Variants in PGBD5 observed in about 807,000 individuals in gnomAD.
PGBD5 encodes the protein piggyBac transposable element-derived protein 5.
A neutral mutation model predicts 47.9 loss-of-function variants in PGBD5; 14 were observed. The ratio of observed to expected loss-of-function variants is 0.29; its 90% CI spans 0.19 to 0.46. The LOEUF is 0.46. Ranked by LOEUF, PGBD5 falls within the 20% of genes least tolerant of loss-of-function variation. The probability of loss-of-function intolerance (pLI) is 1.00; values close to 1 mark genes in which losing one functional copy is unlikely to be tolerated. For missense variants in PGBD5, 635 were observed against 716.0 expected, an observed-to-expected ratio of 0.89 and a Z score of 1.29; for synonymous variants, 316 against 306.3, an observed-to-expected ratio of 1.03 and a Z score of -0.33.
chr1:230,381,884 G>C (rs1656507522), intron 1 of PGBD5, among the ~76,000 whole-genome samples: 1 of 151,884 alleles, frequency 6.6e-6, no homozygotes, highest in African/African-American at 2.4e-5. Context: ...ACCCACTCCT[G>C]TCCCTCTCCC....
At chr1:230,415,853 C>T (rs1657500679) in intron 1 of PGBD5, among the ~76,000 whole-genome samples, 1 of 152,182 alleles carries the variant, frequency 6.6e-6, no homozygotes, top group African/African-American at 2.4e-5. Flanking sequence ...CCATGTTCCA[C>T]ACTCATTGCT....
intron 1 of PGBD5, among the ~76,000 whole-genome samples, chr1:230,416,847 T>C (rs999924205): frequency 2.0e-5 from 3 of 152,138 alleles, no homozygotes; most frequent in Non-Finnish European, 4.4e-5. Flanking sequence ...AAACATCACT[T>C]TTCCAGCACA....
At chr1:230,355,264 T>C (rs1022712095) in intron 2 of PGBD5, among the ~76,000 whole-genome samples, 12 of 152,194 alleles carry the variant, frequency 7.9e-5, no homozygotes, top group African/African-American at 2.9e-4. Flanking sequence ...TCAGGACACC[T>C]GTACCTGGGA....
At chr1:230,405,312 CCT>C (rs1345901122) in intron 1 of PGBD5, among the ~76,000 whole-genome samples, 1 of 152,116 alleles carries the variant, frequency 6.6e-6, no homozygotes, top group Non-Finnish European at 1.5e-5. Context: ...CTCTGCCACC[CCT>C]GAGACAGCAA....
rs1199512542 is a variant in PGBD5 at position 230,317,421 on chromosome 1, G to C, written c.*6004C>G. 1.3e-5 allele frequency: 2 copies of C among 152,250 alleles called. No individual in the cohort carries two copies. Among genetic ancestry groups the C allele is most frequent in the Non-Finnish European group, 2.9e-5 (2 of 68,060 alleles). The allele number at this position is 152,250 out of a possible 1,614,324, so 9.4% of individuals were successfully genotyped here. A position where few individuals can be genotyped will look rare whatever the true frequency, so the allele number is the denominator to read the frequency against. On this transcript the variant is annotated 3_prime_UTR_variant, in exon 7 of 7. Transcript: ENST00000391860. ...CTCCCAGGGCAATGCTGAGGACTCA[G>C]CAAAGGAACCATACAGGGAGACGTG...
Position 230,317,164 on chromosome 1 carries a change from CCAA to C in PGBD5, c.*6258_*6260del, listed in dbSNP as rs1445155122. ...CGGAGAATCAGCCTGCTCTGTGCCC[CCAA>C]CGTGTTTCAGTCATGGCACCCTCAA... is the stretch of plus-strand genomic sequence containing the variant. On this transcript the variant is annotated 3_prime_UTR_variant, in exon 7 of 7. Coordinates refer to ENST00000391860, the MANE Select transcript of PGBD5 (RefSeq NM_001258311.2). 5 of 152,262 alleles carry C rather than the reference CCAA, an allele frequency of 3.3e-5. No homozygotes were observed. The highest frequency in any genetic ancestry group is 7.3e-5 in the Non-Finnish European group (5 of 68,084). The allele number at this position is 152,262 out of a possible 1,614,324, so 9.4% of individuals were successfully genotyped here.
chr1:230,325,654 C>CA, intron 5 of PGBD5, among the ~76,000 whole-genome samples: 1 of 152,226 alleles, frequency 6.6e-6, no homozygotes, highest in South Asian at 2.1e-4. Flanking sequence ...CACAGCACCC[C>CA]AAGTCATGGG....
chr1:230,417,428 G>C (rs1250702965), intron 1 of PGBD5, among the ~76,000 whole-genome samples: 2 of 152,170 alleles, frequency 1.3e-5, no homozygotes, highest in Non-Finnish European at 2.9e-5. Flanking sequence ...TTGGATTCTA[G>C]CTACAGTTAC....
In PGBD5 at chr1:230,316,980, G is replaced by C. The variant is rs964346257; in HGVS notation, c.*6445C>G. On this transcript the variant is annotated 3_prime_UTR_variant, in exon 7 of 7. Transcript: ENST00000391860. ...TGCAGTGTGACTGCAGCCTCTTGAG[G>C]AGGCTCAGACTCTTGTGTTTGCAGG... 6.6e-6 allele frequency: 1 copy of C among 152,218 alleles called. No individual in the cohort carries two copies. Among genetic ancestry groups the C allele is most frequent in the Non-Finnish European group, 1.5e-5 (1 of 68,076 alleles). The allele number at this position is 152,218 out of a possible 1,614,324, so 9.4% of individuals were successfully genotyped here.
At position 230,320,258 on chromosome 1, in the gene PGBD5, C is replaced by T. The variant is rs1227836351; in HGVS notation, c.*3167G>A. On this transcript the variant is annotated 3_prime_UTR_variant, in exon 7 of 7. Coordinates refer to ENST00000391860, the MANE Select transcript of PGBD5 (RefSeq NM_001258311.2). ...GGCACCAAACAGAAACAGACATTCA[C>T]TCAATGAAGTTAAATTTGCCTAAGA... The T allele has an allele frequency of 6.6e-6, 1 of 152,136 alleles. No homozygotes were observed. Among genetic ancestry groups the T allele is most frequent in the East Asian group, 1.9e-4 (1 of 5,188 alleles). The allele number at this position is 152,136 out of a possible 1,614,324, so 9.4% of individuals were successfully genotyped here. A position where few individuals can be genotyped will look rare whatever the true frequency, so the allele number is the denominator to read the frequency against.
At chr1:230,411,769 T>C (rs566339250) in intron 1 of PGBD5, among the ~76,000 whole-genome samples, 3 of 152,254 alleles carry the variant, frequency 2.0e-5, no homozygotes, top group African/African-American at 7.2e-5. Context: ...CCAACCTGGG[T>C]TTATCCCAGG....
chr1:230,403,514 A>G (rs1657195585), intron 1 of PGBD5, among the ~76,000 whole-genome samples: 1 of 152,188 alleles, frequency 6.6e-6, no homozygotes, highest in Non-Finnish European at 1.5e-5. Context: ...CCAGCACCAG[A>G]GCCTCAGGAT....
At chr1:230,403,674 C>A (rs369321416) in intron 1 of PGBD5, among the ~76,000 whole-genome samples, 1 of 152,210 alleles carries the variant, frequency 6.6e-6, no homozygotes, top group African/African-American at 2.4e-5. Flanking sequence ...CCAGAGCCCA[C>A]AAGTAAAGGG....
At chr1:230,390,782 A>G (rs1656763867) in intron 1 of PGBD5, among the ~76,000 whole-genome samples, 1 of 151,962 alleles carries the variant, frequency 6.6e-6, no homozygotes, top group Non-Finnish European at 1.5e-5. Context: ...GTCTCAAAAA[A>G]AGGCTGGAGT....
chr1:230,422,491 C>A (rs1421486124), intron 1 of PGBD5, among the ~76,000 whole-genome samples: 1 of 152,174 alleles, frequency 6.6e-6, no homozygotes, highest in Non-Finnish European at 1.5e-5. Flanking sequence ...CTAGGCTCTG[C>A]ACTCCCAGTA....
intron 1 of PGBD5, chr1:230,377,363 G>A (rs1668029243): frequency 2.0e-6 from 2 of 997,644 alleles, no homozygotes; most frequent in Non-Finnish European, 3.0e-6. Flanking sequence ...CCATCCAGGT[G>A]AAATGCTGAC....
rs143147166 is a variant in PGBD5, at chr1:230,384,643, C to T, written c.332-27322G>A. ...AACAAAACGTAAAGGATAGAAGGAA[C>T]CCATTCAAGGCCACACAGGCAGTAA... is the stretch of plus-strand genomic sequence containing the variant. On this transcript the variant is annotated intron_variant, in intron 1 of 6. Transcript: ENST00000391860. 7.2e-4 allele frequency among the ~76,000 whole-genome samples: 109 copies of T among 152,282 alleles called. No homozygotes were observed. The Middle Eastern group carries it at 0.02, about 29-fold the overall frequency.
chr1:230,392,774 T>C (rs919918093), intron 1 of PGBD5, among the ~76,000 whole-genome samples: 2 of 152,130 alleles, frequency 1.3e-5, no homozygotes, highest in African/African-American at 4.8e-5. Flanking sequence ...CCCACAGTGC[T>C]TGGCTCTCCG....
intron 1 of PGBD5, among the ~76,000 whole-genome samples, chr1:230,415,276 A>T (rs892256135): frequency 4.0e-5 from 6 of 149,830 alleles, no homozygotes; most frequent in African/African-American, 1.5e-4. Context: ...CTCTGTCTAA[A>T]AAAAAAAAAA....
Sources: allele counts gnomAD v4.1 joint callset (sites outside exome capture counted in the v4.1 genomes callset), GRCh38; gene constraint gnomAD v4.1.1; transcripts MANE v1.5; gene names NCBI Gene and HGNC (gene_info 2026-07-23, HGNC 2026-07-21).